CACNA1H: variants seen among roughly 807,000 people sequenced by gnomAD.
CACNA1H encodes calcium voltage-gated channel subunit alpha1 H.
A neutral mutation model predicts 192.5 loss-of-function variants in CACNA1H; 149 were observed. The observed-to-expected ratio is 0.77, with a 90% confidence interval of 0.68 to 0.89. CACNA1H has a LOEUF of 0.89. Among genes scored for constraint, CACNA1H ranks in the 40% least tolerant of loss-of-function variants. CACNA1H has a pLI of 0.00. For synonymous variants in CACNA1H, 2,202 were observed against 1,475.2 expected, an observed-to-expected ratio of 1.49 and a Z score of -11.29; for missense variants, 4,257 against 3,423.5, an observed-to-expected ratio of 1.24 and a Z score of -6.08.
intron 9 of CACNA1H, 61 bp downstream of exon 9, chr16:1,202,513 C>G: frequency 7.2e-7 from 1 of 1,388,172 alleles, no homozygotes. Flanking sequence ...CGGGCAGGGT[C>G]TCCGGTGTGT....
In CACNA1H at chr16:1,218,154, A is replaced by T. The variant is rs960915947; in HGVS notation, c.5446-56A>T. On this transcript the variant is annotated intron_variant, in intron 32 of 34. Coordinates refer to ENST00000348261, the MANE Select transcript of CACNA1H (RefSeq NM_021098.3). ...GCAGGGGGAAGGGGACGGCACTGCC[A>T]GGGTGGCACCCGCGGGTGGGTGTGG... 2.0e-6 allele frequency: 3 copies of T among 1,533,958 alleles called. No individual in the cohort carries two copies. In the African/African-American group the frequency reaches 4.1e-5, roughly 21 times the overall value.
At position 1,210,450 on chromosome 16, in the gene CACNA1H, T is replaced by A. The variant is rs1349906147; in HGVS notation, c.3926T>A (p.Val1309Asp). ...VVLVFIFLNC[V>D]TIALERPDID... ...CTCGTCTTCATCTTCCTCAACTGCG[T>A]CACCATCGCCCTGGAGAGGCCTGAC... The change falls in exon 19 of 35, where the codon GTC becomes GAC. Residue 1309 changes from valine (V) to aspartate (D), a missense_variant. Coordinates refer to ENST00000348261, the MANE Select transcript of CACNA1H (RefSeq NM_021098.3). 1 of 1,611,730 alleles carries A rather than the reference T, an allele frequency of 6.2e-7. No individual in the cohort carries two copies. The highest frequency in any genetic ancestry group is 1.7e-5 in the Admixed American group (1 of 59,914).
intron 6 of CACNA1H, 142 bp downstream of exon 6, chr16:1,198,916 C>T: frequency 4.0e-6 from 3 of 753,816 alleles, no homozygotes; most frequent in Non-Finnish European, 6.4e-6. Context: ...CCCGTCATGG[C>T]TCCGTCCACC....
At chr16:1,195,629 C>T (rs1966880938) in intron 4 of CACNA1H, 64 bp downstream of exon 4, 8 of 1,530,322 alleles carry the variant, frequency 5.2e-6, no homozygotes, top group South Asian at 3.6e-5. Flanking sequence ...CACAGGGATC[C>T]CTGTGTCCCA....
chr16:1,200,918 G>A (rs1027430849), intron 8 of CACNA1H, 110 bp downstream of exon 8: 26 of 831,232 alleles, frequency 3.1e-5, no homozygotes, highest in Non-Finnish European at 4.6e-5. Flanking sequence ...TCCAGCTGAA[G>A]GGAGCACACA....
Position 1,202,279 on chromosome 16 carries a change from C to A in CACNA1H, c.1829C>A (p.Thr610Asn), listed in dbSNP as rs1210884369. Residue 610 changes from threonine (T) to asparagine (N), a missense_variant, in exon 9 of 35, where the codon ACC becomes AAC. Thr to Asn is a moderately conservative substitution (Grantham distance 65, BLOSUM62 0). Transcript: ENST00000348261. ...ASLRLATGLGTMNYPTILPSG... is the reference protein window; with the variant it reads ...ASLRLATGLGNMNYPTILPSG... ...CTCAGACTGGCCACAGGGCTGGGCA[C>A]CATGAACTACCCCACGATCCTGCCC... The A allele has an allele frequency of 3.8e-6, 6 of 1,581,656 alleles. No individual in the cohort carries two copies. Among genetic ancestry groups the A allele is most frequent in the Non-Finnish European group, 5.1e-6 (6 of 1,166,034 alleles).
intron 2 of CACNA1H, among the ~76,000 whole-genome samples, chr16:1,183,621 G>A (rs1000007855): frequency 1.3e-5 from 2 of 151,934 alleles, no homozygotes; most frequent in South Asian, 2.1e-4. Flanking sequence ...CATTGGGGTC[G>A]GGGGTCCGGG....
Position 1,221,345 on chromosome 16 carries a change from C to T in CACNA1H, c.*351C>T, listed in dbSNP as rs944838752. On this transcript the variant is annotated 3_prime_UTR_variant, in exon 35 of 35. Transcript: ENST00000348261. ...TACCAGGTTGCGTCCTTTCAGGCCC[C>T]GCGTTGTTACAGGACACTCGCTGGG... 12 of 344,072 alleles carry T rather than the reference C, an allele frequency of 3.5e-5. No homozygotes were observed. Among genetic ancestry groups the T allele is most frequent in the East Asian group, 1.0e-4 (2 of 19,488 alleles). The allele number at this position is 344,072 out of a possible 1,614,324, so 21.3% of individuals were successfully genotyped here. A position where few individuals can be genotyped will look rare whatever the true frequency, so the allele number is the denominator to read the frequency against.
chr16:1,165,665 T>C (rs1476822161), intron 2 of CACNA1H, among the ~76,000 whole-genome samples: 1 of 152,104 alleles, frequency 6.6e-6, no homozygotes, highest in Non-Finnish European at 1.5e-5. Flanking sequence ...CATTGCCAGG[T>C]GGCTGCACGC....
intron 6 of CACNA1H, among the ~76,000 whole-genome samples, chr16:1,199,538 C>A (rs150471511): frequency 6.6e-6 from 1 of 150,630 alleles, no homozygotes; most frequent in Non-Finnish European, 1.5e-5. Context: ...TCTCAGCCCC[C>A]AAGACAGGTT....
rs144819637 is a variant in CACNA1H at position 1,203,749 on chromosome 16, C to T, written c.2003-261C>T. Reference sequence around the variant, plus strand: ...CTGCGGTCTCTCTGTCTTCACATGGCTCTTTGGTTTCTTCTTATTGGAACA... The same window carrying T: ...CTGCGGTCTCTCTGTCTTCACATGGTTCTTTGGTTTCTTCTTATTGGAACA... On this transcript the variant is annotated intron_variant, in intron 9 of 34. Transcript: ENST00000348261. Among the ~76,000 whole-genome samples, 3,480 of 152,278 alleles carry T rather than the reference C, an allele frequency of 0.023. 62 individuals carry two copies. Among genetic ancestry groups the T allele is most frequent in the Middle Eastern group, 0.13 (37 of 294 alleles).
At chr16:1,203,724 C>T (rs1204216074) in intron 9 of CACNA1H, among the ~76,000 whole-genome samples, 1 of 152,220 alleles carries the variant, frequency 6.6e-6, no homozygotes, top group African/African-American at 2.4e-5. Context: ...CGACACGTCC[C>T]TGCGGTCTCT....
chr16:1,173,042 G>A (rs556809009), intron 2 of CACNA1H, among the ~76,000 whole-genome samples: 19 of 152,280 alleles, frequency 1.2e-4, no homozygotes, highest in African/African-American at 4.1e-4. Context: ...TGGGTGTGGC[G>A]TGGAGAGCCC....
chr16:1,202,411 C>T lies in CACNA1H; in HGVS notation c.1961C>T (p.Pro654Leu). 6.5e-7 allele frequency: 1 copy of T among 1,527,360 alleles called. No homozygotes were observed. Among genetic ancestry groups the T allele is most frequent in the Non-Finnish European group, 8.8e-7 (1 of 1,134,830 alleles). 94.6% of individuals were successfully genotyped at this position (1,527,360 alleles called of 1,614,324 possible). ...GGHGPLSLNSPDPYEKIPHVV... is the reference protein window; with the variant it reads ...GGHGPLSLNSLDPYEKIPHVV... ...CACGGCCCGTTGAGCTTGAACAGCC[C>T]TGATCCCTACGAGAAGATCCCGCAT... is the stretch of plus-strand genomic sequence containing the variant. Residue 654 changes from proline (P) to leucine (L), a missense_variant, in exon 9 of 35, where the codon CCT (proline) becomes CTT (leucine). Transcript: ENST00000348261.
rs1965310306 is a variant in CACNA1H, at chr16:1,180,028, C to T, written c.300-14944C>T. 6.6e-6 allele frequency among the ~76,000 whole-genome samples: 1 copy of T among 152,242 alleles called. No individual in the cohort carries two copies. Among genetic ancestry groups the T allele is most frequent in the Admixed American group, 6.5e-5 (1 of 15,290 alleles). On this transcript the variant is annotated intron_variant, in intron 2 of 34. Coordinates refer to ENST00000348261, the MANE Select transcript of CACNA1H (RefSeq NM_021098.3). The surrounding 1 kb of genome is among the most constrained non-coding windows in gnomAD (Gnocchi z 4.4). The stretch of plus-strand genomic sequence containing the variant: ...GGGATAACAGGCGTGAGCCACCATG[C>T]CCGGCCCGGCCTTGTTTTTTAATAT...
Position 1,161,293 on chromosome 16 carries a change from C to T in CACNA1H, c.299+7257C>T, listed in dbSNP as rs1476083981. ...GCATTAATGAACGCTGTCAACTGAGCCGGTGGCAGAGGTGGGGGCAAGCCC... is the reference window on the plus strand; with the variant it reads ...GCATTAATGAACGCTGTCAACTGAGTCGGTGGCAGAGGTGGGGGCAAGCCC... On this transcript the variant is annotated intron_variant, in intron 2 of 34. Coordinates refer to ENST00000348261, the MANE Select transcript of CACNA1H (RefSeq NM_021098.3). Among the ~76,000 whole-genome samples the T allele has an allele frequency of 2.6e-5, 4 of 152,302 alleles. No homozygotes were observed. The South Asian group carries it at 6.2e-4, about 24-fold the overall frequency.
In CACNA1H at chr16:1,218,463, C is replaced by T; in HGVS notation, c.5699C>T (p.Pro1900Leu). The part of the protein sequence containing the change: ...SARRVDADRP[P>L]LPQESPGARD... ...CGCCGGGTGGACGCGGACAGGCCTC[C>T]CTTGCCCCAGGAGAGTCCGGGCGCC... The change falls in exon 33 of 35, where the codon CCC (proline) becomes CTC (leucine). Residue 1900 changes from proline to leucine, a missense_variant. By Grantham distance (98) the Pro-to-Leu change is moderately conservative (BLOSUM62 -3). Coordinates refer to ENST00000348261, the MANE Select transcript of CACNA1H (RefSeq NM_021098.3). 1.9e-6 allele frequency: 3 copies of T among 1,551,636 alleles called. No homozygotes were observed. Among genetic ancestry groups the T allele is most frequent in the Non-Finnish European group, 2.6e-6 (3 of 1,147,890 alleles).
At chr16:1,160,679 G>A (rs540155629) in intron 2 of CACNA1H, among the ~76,000 whole-genome samples, 7 of 152,324 alleles carry the variant, frequency 4.6e-5, no homozygotes, top group East Asian at 3.9e-4. Flanking sequence ...GAAGCGGGCC[G>A]TTGGCGGGGC....
rs987631887 is a variant in CACNA1H at position 1,210,257 on chromosome 16, AC to A, written c.3846-111del. The A allele has an allele frequency of 4.9e-6, 6 of 1,237,034 alleles. No homozygotes were observed. In the African/African-American group the frequency reaches 9.0e-5, roughly 18 times the overall value. 76.6% of individuals were successfully genotyped at this position (1,237,034 alleles called of 1,614,324 possible). A position where few individuals can be genotyped will look rare whatever the true frequency, so the allele number is the denominator to read the frequency against. On this transcript the variant is annotated intron_variant, in intron 18 of 34. Coordinates refer to ENST00000348261, the MANE Select transcript of CACNA1H (RefSeq NM_021098.3). ...TTTCCGAGTGGGCACCCCTTCTCAC[AC>A]CGCAGGGACCGGGGCTGAAGTGGAG... is the stretch of plus-strand genomic sequence containing the variant.
Sources: allele counts gnomAD v4.1 joint callset (sites outside exome capture counted in the v4.1 genomes callset), GRCh38; gene constraint gnomAD v4.1.1; non-coding constraint Gnocchi (gnomAD v3.1); transcripts MANE v1.5; gene names NCBI Gene and HGNC (gene_info 2026-07-23, HGNC 2026-07-21).